Variants in ANO10 observed in about 807,000 individuals in gnomAD.
ANO10 encodes the protein anoctamin 10.
ANO10 carries 77 observed loss-of-function variants against 74.7 expected under a neutral mutation model. The observed-to-expected ratio is 1.03, with a 90% CI of 0.86 to 1.25. The LOEUF is 1.25. Ranked by LOEUF, ANO10 falls within the 50% of genes most tolerant of loss-of-function variation. The pLI is 0.00. For synonymous variants in ANO10, 279 were observed against 284.9 expected, an observed-to-expected ratio of 0.98 and a Z score of 0.21; for missense variants, 721 against 778.1, an observed-to-expected ratio of 0.93 and a Z score of 0.87.
chr3:43,597,223 A>T (rs1420046351), intron 4 of ANO10, among the ~76,000 whole-genome samples: 1 of 152,224 alleles, frequency 6.6e-6, no homozygotes, highest in Non-Finnish European at 1.5e-5. Context: ...AAGGATCTAG[A>T]ACTAGAAATA....
chr3:43,684,769 A>C (rs1301415118), intron 1 of ANO10, among the ~76,000 whole-genome samples: 4 of 152,222 alleles, frequency 2.6e-5, no homozygotes, highest in African/African-American at 7.2e-5. Context: ...TGATGAGTTC[A>C]TGTCCTTTGT....
At chr3:43,508,240 G>C (rs1484595583) in intron 11 of ANO10, among the ~76,000 whole-genome samples, 3 of 152,262 alleles carry the variant, frequency 2.0e-5, no homozygotes, top group Admixed American at 6.5e-5. Flanking sequence ...CTTATGTGAA[G>C]CTACAGACTG....
intron 12 of ANO10, among the ~76,000 whole-genome samples, chr3:43,387,775 T>TG: frequency 6.6e-6 from 1 of 152,190 alleles, no homozygotes; most frequent in Non-Finnish European, 1.5e-5. Flanking sequence ...AGTTCACAGG[T>TG]GGCAGGACAG....
intron 11 of ANO10, among the ~76,000 whole-genome samples, chr3:43,545,360 G>T (rs955924257): frequency 2.7e-5 from 4 of 150,804 alleles, no homozygotes; most frequent in Non-Finnish European, 5.9e-5. Context: ...CCCAATGATG[G>T]TTTTTTTTTG....
intron 12 of ANO10, among the ~76,000 whole-genome samples, chr3:43,409,936 T>C (rs2092638024): frequency 6.6e-6 from 1 of 152,198 alleles, no homozygotes; most frequent in South Asian, 2.1e-4. Flanking sequence ...TTTTCAGCAG[T>C]ATTATTCCTG....
intron 11 of ANO10, among the ~76,000 whole-genome samples, chr3:43,443,654 T>G (rs963376392): frequency 2.7e-5 from 4 of 149,774 alleles, no homozygotes; most frequent in Non-Finnish European, 5.9e-5. Context: ...TATGAAAGCA[T>G]GAAAAGTATT....
intron 1 of ANO10, among the ~76,000 whole-genome samples, chr3:43,657,305 C>T (rs368011532): frequency 2.6e-4 from 40 of 152,342 alleles, no homozygotes; most frequent in African/African-American, 9.1e-4. Flanking sequence ...ATCAATTGTA[C>T]ATTCCCCAAA....
chr3:43,566,006 G>A (rs2080310738), intron 7 of ANO10, among the ~76,000 whole-genome samples: 1 of 152,172 alleles, frequency 6.6e-6, no homozygotes, highest in South Asian at 2.1e-4. Flanking sequence ...AGCAGGGCAA[G>A]GCATTGCCTC....
intron 1 of ANO10, among the ~76,000 whole-genome samples, chr3:43,645,666 T>C (rs1227649881): frequency 2.0e-5 from 3 of 152,168 alleles, no homozygotes; most frequent in Admixed American, 6.6e-5. Context: ...TATGTTTGCT[T>C]AAAATAAAAT....
intron 8 of ANO10, among the ~76,000 whole-genome samples, chr3:43,561,727 T>A (rs1050982773): frequency 2.6e-5 from 4 of 152,128 alleles, no homozygotes; most frequent in Non-Finnish European, 5.9e-5. Context: ...AAATAATAAA[T>A]GTTTGAGAGG....
At chr3:43,529,934 G>A (rs182118706) in intron 11 of ANO10, among the ~76,000 whole-genome samples, 1 of 152,044 alleles carries the variant, frequency 6.6e-6, no homozygotes, top group Non-Finnish European at 1.5e-5. Context: ...AACATATTCT[G>A]CATCTCAATT....
chr3:43,485,262 G>T, intron 11 of ANO10: 1 of 619,598 alleles, frequency 1.6e-6, no homozygotes, highest in Admixed American at 2.6e-5. Flanking sequence ...AGGACTAGCT[G>T]CTGTTTGCCG....
intron 12 of ANO10, among the ~76,000 whole-genome samples, chr3:43,414,421 G>A (rs2148898767): frequency 6.6e-6 from 1 of 152,236 alleles, no homozygotes; most frequent in South Asian, 2.1e-4. Flanking sequence ...CAACTGCTCA[G>A]TGTATTCTGG....
chr3:43,579,684 A>C (rs961951473), intron 5 of ANO10, among the ~76,000 whole-genome samples: 1 of 152,182 alleles, frequency 6.6e-6, no homozygotes, highest in African/African-American at 2.4e-5. Flanking sequence ...GTACCATTGC[A>C]CTCTAGCCTG....
intron 11 of ANO10, among the ~76,000 whole-genome samples, chr3:43,441,608 C>G (rs938277978): frequency 2.6e-5 from 4 of 152,024 alleles, no homozygotes; most frequent in Non-Finnish European, 5.9e-5. Context: ...CAATACACCT[C>G]GAATTCTTCC....
intron 1 of ANO10, among the ~76,000 whole-genome samples, chr3:43,654,177 T>C (rs2149569962): frequency 6.6e-6 from 1 of 152,260 alleles, no homozygotes; most frequent in East Asian, 1.9e-4. Context: ...AGGGACATTC[T>C]GGAATTTGCC....
rs758032955 is a variant in ANO10, at chr3:43,561,319, A to G, written c.1377T>C (p.His459=). ...SFLPYWLQRK[H]GVRVKRKVQA... ...GCACCTTCCTCTTCACCCGCACACC[A>G]TGCTTCCTTTGGAGCCAATAAGGAA... is the stretch of plus-strand genomic sequence containing the variant. The change falls in exon 9 of 13, where the codon CAT becomes CAC. Residue 459 remains histidine, a synonymous_variant. Transcript: ENST00000292246. 11 of 1,613,980 alleles carry G rather than the reference A, an allele frequency of 6.8e-6. No individual in the cohort carries two copies. The highest frequency in any genetic ancestry group is 8.5e-6 in the Non-Finnish European group (10 of 1,179,998).
At chr3:43,371,457 T>C (rs1466014886) in intron 12 of ANO10, among the ~76,000 whole-genome samples, 1 of 152,042 alleles carries the variant, frequency 6.6e-6, no homozygotes, top group Non-Finnish European at 1.5e-5. Flanking sequence ...CCATTCCTAC[T>C]CCCCGACCCA....
rs1169816392 is a variant in ANO10 at position 43,562,455 on chromosome 3, CAAA to C, written c.1294-1056_1294-1054del. Among the ~76,000 whole-genome samples the C allele has an allele frequency of 1.0e-4, 7 of 69,950 alleles. No individual in the cohort carries two copies. The East Asian group carries it at 1.5e-3, about 15-fold the overall frequency. The allele number at this position is 69,950 out of a possible 152,430, so 45.9% of individuals were successfully genotyped here. A position where few individuals can be genotyped will look rare whatever the true frequency, so the allele number is the denominator to read the frequency against. On this transcript the variant is annotated intron_variant, in intron 8 of 12. Coordinates refer to ENST00000292246, the MANE Select transcript of ANO10 (RefSeq NM_018075.5). ...CGGCAGAACGAGGCTCTGTCTCAAA[CAAA>C]AAAAAAAAAAAAAGAAGTTTGAGAC...
Sources: gnomAD v4.1 joint callset for allele counts (sites outside exome capture counted in the v4.1 genomes callset) on GRCh38, gnomAD v4.1.1 for gene constraint, MANE v1.5 for transcripts, NCBI Gene and HGNC (gene_info 2026-07-23, HGNC 2026-07-21) for gene names.